SMYD3: variants seen among roughly 807,000 people sequenced by gnomAD.
SMYD3 encodes SET and MYND domain containing 3, also known as histone-lysine N-methyltransferase SMYD3.
SMYD3 carries 36 observed loss-of-function variants against 57.7 expected under a neutral mutation model. That is an observed-to-expected ratio of 0.62 (90% CI 0.48 to 0.82). The LOEUF is 0.82. Ranked by LOEUF, SMYD3 falls within the 40% of genes least tolerant of loss-of-function variation. The probability of loss-of-function intolerance (pLI) is 0.00; values close to 1 mark genes in which losing one functional copy is unlikely to be tolerated. For missense variants in SMYD3, 515 were observed against 538.8 expected (o/e 0.96, Z 0.44); for synonymous variants, 211 against 195.0 (o/e 1.08, Z -0.68).
intron 1 of SMYD3, among the ~76,000 whole-genome samples, chr1:246,384,173 G>A (rs561317750): frequency 6.6e-6 from 1 of 152,218 alleles, no homozygotes; most frequent in South Asian, 2.1e-4. Flanking sequence ...TAATATGGAA[G>A]CTGAGAGATA....
rs79698349 is a variant in SMYD3, at chr1:246,112,473, A to G, written c.532-182536T>C. On this transcript the variant is annotated intron_variant, in intron 5 of 11. Transcript: ENST00000490107. ...TTTCCTCCAAATCATTTCTTTACTAAATTTCCCTAAGTTAGCTTAATAATG... is the reference window on the plus strand; with the variant it reads ...TTTCCTCCAAATCATTTCTTTACTAGATTTCCCTAAGTTAGCTTAATAATG... 1.8e-3 allele frequency among the ~76,000 whole-genome samples: 275 copies of G among 152,328 alleles called. 1 individual carries two copies. The highest frequency in any genetic ancestry group is 6.8e-3 in the Middle Eastern group (2 of 294).
At chr1:245,838,911 T>C (rs544289024) in intron 10 of SMYD3, among the ~76,000 whole-genome samples, 1 of 152,302 alleles carries the variant, frequency 6.6e-6, no homozygotes, top group South Asian at 2.1e-4. Flanking sequence ...CGTTGCATTA[T>C]CATCTATGGG....
intron 5 of SMYD3, among the ~76,000 whole-genome samples, chr1:246,237,346 T>C (rs1385951992): frequency 6.6e-6 from 1 of 152,188 alleles, no homozygotes; most frequent in African/African-American, 2.4e-5. Flanking sequence ...ACACAGACTT[T>C]TTTCTCCTAA....
chr1:246,420,760 T>C (rs1488243784), intron 1 of SMYD3, among the ~76,000 whole-genome samples: 1 of 152,226 alleles, frequency 6.6e-6, no homozygotes, highest in Non-Finnish European at 1.5e-5. Context: ...AGAAAGGTAG[T>C]GCCCACTAAA....
At chr1:246,300,513 G>A (rs2064876008) in intron 5 of SMYD3, among the ~76,000 whole-genome samples, 1 of 152,140 alleles carries the variant, frequency 6.6e-6, no homozygotes, top group South Asian at 2.1e-4. Context: ...GAATGAGAAT[G>A]CTATTGATCT....
chr1:245,806,853 T>G (rs1370491361), intron 10 of SMYD3, among the ~76,000 whole-genome samples: 1 of 127,268 alleles, frequency 7.9e-6, no homozygotes, highest in Non-Finnish European at 1.5e-5. Flanking sequence ...GAGCTTGCAG[T>G]GAGCCGAGAT....
chr1:245,816,505 C>G (rs1211602439), intron 10 of SMYD3, among the ~76,000 whole-genome samples: 5 of 127,248 alleles, frequency 3.9e-5, no homozygotes, highest in Non-Finnish European at 6.5e-5. Context: ...TGAGAGGTCC[C>G]CTTCATCTAT....
At chr1:245,893,327 T>C (rs537719913) in intron 8 of SMYD3, among the ~76,000 whole-genome samples, 1 of 152,264 alleles carries the variant, frequency 6.6e-6, no homozygotes, top group Admixed American at 6.5e-5. Flanking sequence ...GTTAAACATA[T>C]ATTTACCATA....
At chr1:245,928,774 G>A (rs993588656) in intron 6 of SMYD3, among the ~76,000 whole-genome samples, 8 of 152,254 alleles carry the variant, frequency 5.3e-5, no homozygotes, top group South Asian at 2.1e-4. Context: ...AGAAATGGCC[G>A]CCTTTGCTAG....
At position 245,888,536 on chromosome 1, in the gene SMYD3, C is replaced by T. The variant is rs569299828; in HGVS notation, c.814-24650G>A. On this transcript the variant is annotated intron_variant, in intron 8 of 11. Coordinates refer to ENST00000490107, the MANE Select transcript of SMYD3 (RefSeq NM_001167740.2). Reference sequence around the variant, plus strand: ...ATTATGATACTTGTATTTTCTGGGCCGGATTGTCCAGCGTCACTCTATTTG... The same window carrying T: ...ATTATGATACTTGTATTTTCTGGGCTGGATTGTCCAGCGTCACTCTATTTG... Among the ~76,000 whole-genome samples, 44 of 152,218 alleles carry T rather than the reference C, an allele frequency of 2.9e-4. No individual in the cohort carries two copies. The South Asian group carries it at 3.3e-3, about 11-fold the overall frequency.
rs181693623 is a variant in SMYD3, at chr1:246,189,122, C to G, written c.531+138079G>C. The G allele has an allele frequency of 1.7e-4, 26 of 152,334 alleles. No individual in the cohort carries two copies. The East Asian group carries it at 5.0e-3, about 29-fold the overall frequency. 9.4% of individuals were successfully genotyped at this position (152,334 alleles called of 1,614,324 possible). On this transcript the variant is annotated intron_variant, in intron 5 of 11. Transcript: ENST00000490107. Reference sequence around the variant, plus strand: ...AGTATATGTGCTGCTGAAGCACGAACTAGCCATTGGGTTTTGATTTTATAA... The same window carrying G: ...AGTATATGTGCTGCTGAAGCACGAAGTAGCCATTGGGTTTTGATTTTATAA...
Position 246,507,241 on chromosome 1 carries a change from G to C in SMYD3, c.-24C>G, listed in dbSNP as rs908288867. On this transcript the variant is annotated 5_prime_UTR_variant, in exon 1 of 12. Coordinates refer to ENST00000490107, the MANE Select transcript of SMYD3 (RefSeq NM_001167740.2). The stretch of plus-strand genomic sequence containing the variant: ...ATCCTCCCGCAGCTCCGGCACCTCA[G>C]ACGGCTACCCGCGTCCAGCAGCGGG... 3 of 1,490,996 alleles carry C rather than the reference G, an allele frequency of 2.0e-6. No individual in the cohort carries two copies. Among genetic ancestry groups the C allele is most frequent in the African/African-American group, 1.5e-5 (1 of 68,740 alleles). 92.4% of individuals were successfully genotyped at this position (1,490,996 alleles called of 1,614,324 possible).
intron 3 of SMYD3, among the ~76,000 whole-genome samples, chr1:246,331,645 A>G (rs2065463875): frequency 6.6e-6 from 1 of 152,226 alleles, no homozygotes; most frequent in African/African-American, 2.4e-5. Flanking sequence ...TTTCAGCCTT[A>G]AATAGGAATA....
intron 5 of SMYD3, among the ~76,000 whole-genome samples, chr1:246,068,671 T>C (rs1328330461): frequency 1.3e-5 from 2 of 152,194 alleles, no homozygotes; most frequent in Admixed American, 1.3e-4. Flanking sequence ...CTGTTCATAA[T>C]AATGAACTAC....
chr1:246,214,520 T>C (rs1332862461), intron 5 of SMYD3, among the ~76,000 whole-genome samples: 1 of 152,288 alleles, frequency 6.6e-6, no homozygotes, highest in African/African-American at 2.4e-5. Context: ...GTGAAATATA[T>C]GAAGGAATTG....
intron 5 of SMYD3, among the ~76,000 whole-genome samples, chr1:245,996,556 C>T (rs976572065): frequency 5.3e-5 from 8 of 152,172 alleles, no homozygotes; most frequent in Non-Finnish European, 1.0e-4. Context: ...ATTCCCAGAG[C>T]CTAGAAGACT....
chr1:245,790,521 T>C (rs1218072420), intron 10 of SMYD3, among the ~76,000 whole-genome samples: 3 of 152,218 alleles, frequency 2.0e-5, no homozygotes, highest in African/African-American at 4.8e-5. Flanking sequence ...GTACTTTCTA[T>C]ACTTGGCTCC....
chr1:246,083,246 G>A (rs2060669448), intron 5 of SMYD3, among the ~76,000 whole-genome samples: 1 of 152,208 alleles, frequency 6.6e-6, no homozygotes, highest in South Asian at 2.1e-4. Flanking sequence ...TCCATCTACT[G>A]AGACAGGGGA....
At chr1:245,884,339 G>A (rs2052960562) in intron 8 of SMYD3, among the ~76,000 whole-genome samples, 1 of 152,140 alleles carries the variant, frequency 6.6e-6, no homozygotes, top group Non-Finnish European at 1.5e-5. Flanking sequence ...TGAGAACGGA[G>A]GTTTAATGGG....
Sources: gnomAD v4.1 joint callset for allele counts (sites outside exome capture counted in the v4.1 genomes callset) on GRCh38, gnomAD v4.1.1 for gene constraint, MANE v1.5 for transcripts, NCBI Gene and HGNC (gene_info 2026-07-23, HGNC 2026-07-21) for gene names.